The following ARHGAP19 variants were observed in gnomAD, a reference collection of about 807,000 sequenced individuals.
The protein encoded by ARHGAP19 is rho GTPase-activating protein 19.
ARHGAP19 carries 48 observed loss-of-function variants against 60.9 expected under a neutral mutation model. That is an observed-to-expected ratio of 0.79 (90% CI 0.62 to 1.00). The LOEUF (loss-of-function observed/expected upper bound fraction) is 1.00. ARHGAP19 is among the 50% of genes least tolerant of loss of function. The pLI is 0.00. For synonymous variants in ARHGAP19, 209 were observed against 215.5 expected (o/e 0.97, Z 0.27); for missense variants, 562 against 597.2 (o/e 0.94, Z 0.61).
In ARHGAP19 at chr10:97,235,228, C is replaced by T; in HGVS notation, c.1273G>A (p.Gly425Arg). 3.1e-6 allele frequency: 5 copies of T among 1,612,640 alleles called. No homozygotes were observed. Among genetic ancestry groups the T allele is most frequent in the Non-Finnish European group, 4.2e-6 (5 of 1,178,812 alleles). ...QKRARSRSFS[G>R]LIKRKVLGNQ... is the part of the protein sequence containing the mutation. ...CCCAGCATACCTACCTTAATAAGCC[C>T]ACTGAAGGAGCGCGAACGAGCCCTC... The change falls in exon 9 of 12, where the codon GGG becomes AGG. Residue 425 changes from glycine to arginine, a missense_variant. Physicochemically the swap from Gly to Arg is moderately radical, Grantham distance 125. Transcript: ENST00000358531.
chr10:97,252,120 T>C (rs916945406), intron 6 of ARHGAP19, among the ~76,000 whole-genome samples: 4 of 151,830 alleles, frequency 2.6e-5, no homozygotes, highest in African/African-American at 7.3e-5. Flanking sequence ...GAACTAGTAA[T>C]AGTTAAGAAG....
chr10:97,280,941 G>A (rs993961457), intron 1 of ARHGAP19, among the ~76,000 whole-genome samples: 5 of 152,132 alleles, frequency 3.3e-5, no homozygotes, highest in African/African-American at 9.7e-5. Context: ...GTACTTCTAC[G>A]TATGATCTGA....
At chr10:97,273,832 G>C (rs1842990698) in intron 1 of ARHGAP19, among the ~76,000 whole-genome samples, 1 of 152,026 alleles carries the variant, frequency 6.6e-6, no homozygotes, top group Admixed American at 6.6e-5. Context: ...AAAGCAAAAT[G>C]TCCAGCAGAA....
intron 9 of ARHGAP19, among the ~76,000 whole-genome samples, chr10:97,234,216 G>C (rs890442558): frequency 6.6e-6 from 1 of 151,764 alleles, no homozygotes; most frequent in Non-Finnish European, 1.5e-5. Context: ...GCAGTGAGCC[G>C]AGACCATGTT....
intron 8 of ARHGAP19, among the ~76,000 whole-genome samples, chr10:97,242,709 T>TA (rs1842507908): frequency 6.6e-6 from 1 of 152,158 alleles, no homozygotes; most frequent in African/African-American, 2.4e-5. Flanking sequence ...AGACTAGGTT[T>TA]CTCCATGTTA....
At chr10:97,246,398 G>T in intron 6 of ARHGAP19, 61 bp from the exon 7 acceptor site, 1 of 1,321,522 alleles carries the variant, frequency 7.6e-7, no homozygotes, top group Non-Finnish European at 1.1e-6. Flanking sequence ...CATTCTTTCA[G>T]GCCGCAAGGA....
chr10:97,243,963 G>C lies in ARHGAP19; in HGVS notation c.1185+5C>G. 1 of 1,600,304 alleles carries C rather than the reference G, an allele frequency of 6.2e-7. No individual in the cohort carries two copies. The highest frequency in any genetic ancestry group is 8.5e-7 in the Non-Finnish European group (1 of 1,173,570). ...CCCCATCACAACTTCCCTGCCTTTAGGCACCTGTCTAATAAGTTGTTTCTT... is the reference window on the plus strand; with the variant it reads ...CCCCATCACAACTTCCCTGCCTTTACGCACCTGTCTAATAAGTTGTTTCTT... On this transcript the variant is annotated splice_donor_5th_base_variant and intron_variant, in intron 8 of 11. Coordinates refer to ENST00000358531, the MANE Select transcript of ARHGAP19 (RefSeq NM_032900.6).
At chr10:97,245,944 T>C in intron 7 of ARHGAP19, among the ~76,000 whole-genome samples, 1 of 152,010 alleles carries the variant, frequency 6.6e-6, no homozygotes, top group East Asian at 1.9e-4. Flanking sequence ...ACTTTTTTTT[T>C]CAAGAGACAG....
rs113160458 is a variant in ARHGAP19, at chr10:97,231,776, A to G, written c.1285-1902T>C. ...AATGCTGCTATGAATACGGGTGTAC[A>G]AATATTGCCTCAAGACCCTGCTTTC... On this transcript the variant is annotated intron_variant, in intron 9 of 11. Coordinates refer to ENST00000358531, the MANE Select transcript of ARHGAP19 (RefSeq NM_032900.6). Among the ~76,000 whole-genome samples, 421 of 152,276 alleles carry G rather than the reference A, an allele frequency of 2.8e-3. 2 individuals carry two copies. The highest frequency in any genetic ancestry group is 8.9e-3 in the African/African-American group (371 of 41,560).
chr10:97,274,516 C>T (rs910239743), intron 1 of ARHGAP19, among the ~76,000 whole-genome samples: 3 of 151,224 alleles, frequency 2.0e-5, no homozygotes, highest in African/African-American at 7.3e-5. Context: ...GTGGATAAAT[C>T]ACTGAGCTAT....
At chr10:97,260,187 T>G (rs911506212) in intron 4 of ARHGAP19, among the ~76,000 whole-genome samples, 1 of 151,578 alleles carries the variant, frequency 6.6e-6, no homozygotes, top group East Asian at 1.9e-4. Context: ...TCAGAAGGTA[T>G]ACAAGTGGCC....
intron 1 of ARHGAP19, among the ~76,000 whole-genome samples, chr10:97,284,601 G>C (rs1843129280): frequency 1.3e-5 from 2 of 152,018 alleles, no homozygotes; most frequent in African/African-American, 4.8e-5. Context: ...GACCTCCCAG[G>C]CTCAAGCAAT....
In ARHGAP19 at chr10:97,270,623, C is replaced by G. The variant is rs893978220; in HGVS notation, c.57-4498G>C. On this transcript the variant is annotated intron_variant, in intron 1 of 11. Transcript: ENST00000358531. The stretch of plus-strand genomic sequence containing the variant: ...TTTCTTACATAAGTGCTGAAAGTTT[C>G]TGATGAGGCATTGGTAAATCGAAGA... 4 of 1,548,708 alleles carry G rather than the reference C, an allele frequency of 2.6e-6. No individual in the cohort carries two copies. The African/African-American group carries it at 5.5e-5, about 21-fold the overall frequency.
rs138432389 is a variant in ARHGAP19 at position 97,262,091 on chromosome 10, C to A, written c.613+1329G>T. On this transcript the variant is annotated intron_variant, in intron 4 of 11. Transcript: ENST00000358531. ...ACTGGTCTGGGGGCTGCGGCTCATG[C>A]CTGCAATCCTAGCACTTTGGGAGAC... Among the ~76,000 whole-genome samples, 509 of 151,970 alleles carry A rather than the reference C, an allele frequency of 3.3e-3. 4 individuals are homozygous for A. Among genetic ancestry groups the A allele is most frequent in the South Asian group, 8.3e-3 (40 of 4,818 alleles).
chr10:97,235,372 C>G (rs1851111507), intron 8 of ARHGAP19, 57 bp from the exon 9 acceptor site: 1 of 1,416,000 alleles, frequency 7.1e-7, no homozygotes, highest in East Asian at 2.3e-5. Context: ...ACACGGCATT[C>G]TGTGACAACT....
At chr10:97,246,728 T>C (rs1352216402) in intron 6 of ARHGAP19, among the ~76,000 whole-genome samples, 1 of 152,018 alleles carries the variant, frequency 6.6e-6, no homozygotes, top group Non-Finnish European at 1.5e-5. Flanking sequence ...GTGTAGAAAA[T>C]ATCATTTAAT....
At chr10:97,251,189 A>G (rs2134855499) in intron 6 of ARHGAP19, among the ~76,000 whole-genome samples, 1 of 67,996 alleles carries the variant, frequency 1.5e-5, no homozygotes. Context: ...AAGGGAAAGG[A>G]AGGGAAGGGG....
intron 6 of ARHGAP19, among the ~76,000 whole-genome samples, chr10:97,249,356 G>A (rs1842608777): frequency 6.6e-6 from 1 of 152,180 alleles, no homozygotes; most frequent in African/African-American, 2.4e-5. Flanking sequence ...ATCATGAAGA[G>A]AGAAAATCAA....
intron 6 of ARHGAP19, among the ~76,000 whole-genome samples, chr10:97,252,057 T>C (rs1033834552): frequency 3.9e-5 from 6 of 151,950 alleles, no homozygotes; most frequent in Admixed American, 3.9e-4. Flanking sequence ...AGATGTGGTG[T>C]TGGGAAGAGT....
Sources: gnomAD v4.1 joint callset for allele counts (sites outside exome capture counted in the v4.1 genomes callset) on GRCh38, gnomAD v4.1.1 for gene constraint, MANE v1.5 for transcripts, NCBI Gene and HGNC (gene_info 2026-07-23, HGNC 2026-07-21) for gene names.